NOS1AP: variants seen among roughly 807,000 people sequenced by gnomAD.
The protein encoded by NOS1AP is nitric oxide synthase 1 adaptor protein, also known as carboxyl-terminal PDZ ligand of neuronal nitric oxide synthase protein.
A neutral mutation model predicts 56.2 loss-of-function variants in NOS1AP; 21 were observed. That is an observed-to-expected ratio of 0.37 (90% CI 0.26 to 0.54). The LOEUF (loss-of-function observed/expected upper bound fraction) is 0.54. Among genes scored for constraint, NOS1AP ranks in the 20% least tolerant of loss-of-function variants. The probability of loss-of-function intolerance (pLI) is 0.84; values close to 1 mark genes in which losing one functional copy is unlikely to be tolerated. For missense variants in NOS1AP, 522 were observed against 657.8 expected, an observed-to-expected ratio of 0.79 and a Z score of 2.26; for synonymous variants, 270 against 274.6, an observed-to-expected ratio of 0.98 and a Z score of 0.17.
At chr1:162,289,221 C>CT (rs373819802) in intron 3 of NOS1AP, among the ~76,000 whole-genome samples, 2,998 of 25,432 alleles carry the variant, frequency 0.12, 207 homozygotes, top group African/African-American at 0.2. Flanking sequence ...TCCTTCCTTC[C>CT]TTCCTTCCTT....
At position 162,154,726 on chromosome 1, in the gene NOS1AP, T is replaced by C. The variant is rs528939466; in HGVS notation, c.177+250T>C. On this transcript the variant is annotated intron_variant, in intron 2 of 9. Transcript: ENST00000361897. Reference sequence around the variant, plus strand: ...TCTTGTGACCTGTAGCTCCTCAAACTGAGATACATGTTACCTTGATGATGT... The same window carrying C: ...TCTTGTGACCTGTAGCTCCTCAAACCGAGATACATGTTACCTTGATGATGT... 1.6e-3 allele frequency among the ~76,000 whole-genome samples: 237 copies of C among 152,282 alleles called. 1 individual carries two copies. Among genetic ancestry groups the C allele is most frequent in the African/African-American group, 5.5e-3 (230 of 41,564 alleles).
chr1:162,316,456 AGCTACT>A (rs1656234215), intron 4 of NOS1AP, among the ~76,000 whole-genome samples: 1 of 152,252 alleles, frequency 6.6e-6, no homozygotes, highest in African/African-American at 2.4e-5. Context: ...AGTCCTGTCC[AGCTACT>A]GCTGTGCAGT....
At chr1:162,105,813 G>T (rs1366134939) in intron 1 of NOS1AP, among the ~76,000 whole-genome samples, 1 of 152,196 alleles carries the variant, frequency 6.6e-6, no homozygotes, top group African/African-American at 2.4e-5. Flanking sequence ...CTCCCCTCTG[G>T]GAACACCATC....
At chr1:162,163,620 G>T (rs79530229) in intron 2 of NOS1AP, among the ~76,000 whole-genome samples, 1 of 152,092 alleles carries the variant, frequency 6.6e-6, no homozygotes, top group East Asian at 1.9e-4. Flanking sequence ...GGAGTGAGCC[G>T]TGTGGGTATC....
chr1:162,276,129 A>T (rs553478020), intron 2 of NOS1AP, among the ~76,000 whole-genome samples: 1 of 152,162 alleles, frequency 6.6e-6, no homozygotes, highest in Non-Finnish European at 1.5e-5. Context: ...TACAGAAAAA[A>T]ATTTACTGAC....
chr1:162,165,146 A>G (rs1650427166), intron 2 of NOS1AP, among the ~76,000 whole-genome samples: 1 of 151,964 alleles, frequency 6.6e-6, no homozygotes, highest in African/African-American at 2.4e-5. Flanking sequence ...ACATGGAGAA[A>G]CCCTGTCTCT....
rs943622994 is a variant in NOS1AP, at chr1:162,330,044, C to G, written c.345-2973C>G. 2.6e-5 allele frequency among the ~76,000 whole-genome samples: 4 copies of G among 152,206 alleles called. No homozygotes were observed. In the East Asian group the frequency reaches 7.7e-4, roughly 29 times the overall value. ...CTTGGCTTACTGCCGTTCCTCTGTTCCTTCCACATCTCTGTGTCTTGTGGG... is the reference window on the plus strand; with the variant it reads ...CTTGGCTTACTGCCGTTCCTCTGTTGCTTCCACATCTCTGTGTCTTGTGGG... On this transcript the variant is annotated intron_variant, in intron 4 of 9. Coordinates refer to ENST00000361897, the MANE Select transcript of NOS1AP (RefSeq NM_014697.3).
At chr1:162,112,099 G>A (rs1211148732) in intron 1 of NOS1AP, among the ~76,000 whole-genome samples, 7 of 152,022 alleles carry the variant, frequency 4.6e-5, no homozygotes, top group Admixed American at 4.6e-4. Context: ...ATTTTTATTG[G>A]TACCTTATTT....
intron 2 of NOS1AP, among the ~76,000 whole-genome samples, chr1:162,251,078 G>A (rs1194420870): frequency 6.6e-6 from 1 of 151,844 alleles, no homozygotes; most frequent in Non-Finnish European, 1.5e-5. Context: ...TTGTTTGTTT[G>A]TTTGTTTGTT....
intron 2 of NOS1AP, among the ~76,000 whole-genome samples, chr1:162,273,394 T>C (rs1654644871): frequency 1.3e-5 from 2 of 152,184 alleles, no homozygotes; most frequent in Non-Finnish European, 2.9e-5. Context: ...CTCGATCTCC[T>C]GACCTCGTGA....
At chr1:162,192,393 G>GT (rs1444042113) in intron 2 of NOS1AP, among the ~76,000 whole-genome samples, 2 of 152,208 alleles carry the variant, frequency 1.3e-5, no homozygotes, top group African/African-American at 4.8e-5. Context: ...GGGTTTTTGT[G>GT]TTGGTGTGTA....
chr1:162,161,362 A>G (rs138580343), intron 2 of NOS1AP, among the ~76,000 whole-genome samples: 1,802 of 152,274 alleles, frequency 0.012, 21 homozygotes, highest in South Asian at 0.022. Context: ...CCCCCTACTG[A>G]GGTACTCCAA....
intron 2 of NOS1AP, among the ~76,000 whole-genome samples, chr1:162,210,398 C>A (rs1652312412): frequency 1.3e-5 from 2 of 152,198 alleles, no homozygotes; most frequent in African/African-American, 2.4e-5. Flanking sequence ...GTTTTCCCTG[C>A]CACCTTCTGT....
intron 5 of NOS1AP, among the ~76,000 whole-genome samples, chr1:162,341,624 A>G (rs1657107950): frequency 6.6e-6 from 1 of 152,234 alleles, no homozygotes; most frequent in Non-Finnish European, 1.5e-5. Context: ...GGACACTGGT[A>G]GGACAGTGGT....
At chr1:162,351,734 C>A (rs940513041) in intron 6 of NOS1AP, among the ~76,000 whole-genome samples, 1 of 152,190 alleles carries the variant, frequency 6.6e-6, no homozygotes, top group Non-Finnish European at 1.5e-5. Context: ...CCTATGTCTC[C>A]CCCCGACCTA....
chr1:162,071,028 G>A (rs1215186885), intron 1 of NOS1AP, among the ~76,000 whole-genome samples: 1 of 152,188 alleles, frequency 6.6e-6, no homozygotes, highest in African/African-American at 2.4e-5. Context: ...ACCATCAGGT[G>A]TGAGCAAGGC....
intron 8 of NOS1AP, among the ~76,000 whole-genome samples, chr1:162,360,259 A>G (rs1443171990): frequency 1.3e-5 from 2 of 151,996 alleles, no homozygotes; most frequent in Non-Finnish European, 1.5e-5. Context: ...GTAAGTAGTG[A>G]ATACCCAAGT....
chr1:162,255,912 A>C (rs1319742631), intron 2 of NOS1AP, among the ~76,000 whole-genome samples: 1 of 152,204 alleles, frequency 6.6e-6, no homozygotes, highest in Admixed American at 6.5e-5. Context: ...TGGGAGGCTG[A>C]GGCAGCAGAT....
At chr1:162,340,187 C>A (rs1430137716) in intron 5 of NOS1AP, among the ~76,000 whole-genome samples, 1 of 152,124 alleles carries the variant, frequency 6.6e-6, no homozygotes, top group Non-Finnish European at 1.5e-5. Flanking sequence ...AGAAATATAA[C>A]CTTCACATTA....
Sources: allele counts gnomAD v4.1 joint callset (sites outside exome capture counted in the v4.1 genomes callset), GRCh38; gene constraint gnomAD v4.1.1; transcripts MANE v1.5; gene names NCBI Gene and HGNC (gene_info 2026-07-23, HGNC 2026-07-21).